The following PYGM variants were observed in gnomAD, a reference collection of about 807,000 sequenced individuals.
PYGM encodes the protein glycogen phosphorylase, muscle form.
Under a neutral mutation model 99.3 loss-of-function variants are expected in PYGM, and 81 were observed. That is an observed-to-expected ratio of 0.82 (90% CI 0.68 to 0.98). The LOEUF is 0.98. Among genes scored for constraint, PYGM ranks in the 50% least tolerant of loss-of-function variants. The pLI is 0.00. For missense variants in PYGM, 1,030 were observed against 1,158.1 expected (o/e 0.89, Z 1.61); for synonymous variants, 436 against 451.5 (o/e 0.97, Z 0.44).
intron 2 of PYGM, 29 bp downstream of exon 2, chr11:64,758,574 C>A: frequency 6.2e-7 from 1 of 1,612,952 alleles, no homozygotes; most frequent in Non-Finnish European, 8.5e-7. Context: ...ATCCCCCAGT[C>A]CCCACGGCTT....
chr11:64,760,099 A>G, upstream of PYGM: 3 of 823,274 alleles, frequency 3.6e-6, no homozygotes, highest in Non-Finnish European at 5.5e-6. Flanking sequence ...GGAGGAGAGG[A>G]GAGGGGAGGG....
At chr11:64,750,668 C>T in intron 16 of PYGM, 85 bp from the exon 17 acceptor site, 1 of 1,337,226 alleles carries the variant, frequency 7.5e-7, no homozygotes, top group South Asian at 1.2e-5. Flanking sequence ...TGGCCCCAGG[C>T]ATAGCTGGAC....
At position 64,750,596 on chromosome 11, in the gene PYGM, A is replaced by T; in HGVS notation, c.1970-13T>A. ...GCAGCTGGGATCACTGTGGGGTGGC[A>T]GCAGGGGGACAAGTCAACTCAGGGA... On this transcript the variant is annotated splice_polypyrimidine_tract_variant and intron_variant, in intron 16 of 19. Transcript: ENST00000164139. 1 of 1,613,574 alleles carries T rather than the reference A, an allele frequency of 6.2e-7. No individual in the cohort carries two copies. Among genetic ancestry groups the T allele is most frequent in the Non-Finnish European group, 8.5e-7 (1 of 1,179,786 alleles).
intron 10 of PYGM, 67 bp downstream of exon 10, chr11:64,753,812 C>T (rs1432228133): frequency 1.4e-5 from 22 of 1,547,360 alleles, no homozygotes; most frequent in African/African-American, 5.5e-5. Context: ...CTGGACGCCC[C>T]GACTCCCAGG....
intron 5 of PYGM, among the ~76,000 whole-genome samples, 200 bp downstream of exon 5, chr11:64,757,579 C>T (rs2058401564): frequency 6.6e-6 from 1 of 152,184 alleles, no homozygotes; most frequent in Non-Finnish European, 1.5e-5. Flanking sequence ...CCCTTCCAGA[C>T]TCTGCACTTA....
chr11:64,758,022 A>T (rs982824743), intron 4 of PYGM, 112 bp from the exon 5 acceptor site: 58 of 1,516,640 alleles, frequency 3.8e-5, no homozygotes, highest in Non-Finnish European at 4.8e-5. Context: ...ACCAAGTATA[A>T]GTCAGGAGCT....
At chr11:64,749,261 C>G (rs1010761507) in intron 17 of PYGM, among the ~76,000 whole-genome samples, 4 of 151,780 alleles carry the variant, frequency 2.6e-5, no homozygotes, top group Non-Finnish European at 5.9e-5. Context: ...GCAGGAGAAT[C>G]GCTTGTACCC....
At chr11:64,751,679 A>G (rs1412056073) in intron 14 of PYGM, 24 bp from the exon 15 acceptor site, 2 of 1,613,610 alleles carry the variant, frequency 1.2e-6, no homozygotes, top group Non-Finnish European at 1.7e-6. Flanking sequence ...AGAGGGATCC[A>G]GTGGGCCTAC....
At position 64,752,456 on chromosome 11, in the gene PYGM, G is replaced by C; in HGVS notation, c.1567C>G (p.Leu523Val). Residue 523 changes from leucine to valine, a missense_variant, in exon 13 of 20, where the codon CTC becomes GTC. Leu to Val is a conservative substitution (Grantham distance 32). Coordinates refer to ENST00000164139, the MANE Select transcript of PYGM (RefSeq NM_005609.4). ...AAAGCTTCATCATCCACAAAGGAGAGCAGTTTGCGCAGCTGGTCCAGGTCA... is the reference window on the plus strand; with the variant it reads ...AAAGCTTCATCATCCACAAAGGAGACCAGTTTGCGCAGCTGGTCCAGGTCA... ...ISDLDQLRKL[L>V]SFVDDEAFIR... 1 of 1,614,256 alleles carries C rather than the reference G, an allele frequency of 6.2e-7. No homozygotes were observed. Among genetic ancestry groups the C allele is most frequent in the South Asian group, 1.1e-5 (1 of 91,090 alleles).
chr11:64,747,045 G>T (rs1350408590), intron 18 of PYGM, 58 bp from the exon 19 acceptor site: 1 of 1,596,470 alleles, frequency 6.3e-7, no homozygotes, highest in East Asian at 2.2e-5. Flanking sequence ...TAAGTTCTAT[G>T]AGGTCAAGGG....
At chr11:64,750,330 C>A in intron 17 of PYGM, 46 bp downstream of exon 17, 1 of 1,607,630 alleles carries the variant, frequency 6.2e-7, no homozygotes, top group Admixed American at 1.7e-5. Context: ...CACTCTCCAG[C>A]AGCCACACCT....
In PYGM at chr11:64,754,103, C is replaced by T; in HGVS notation, c.1093-78G>A. 6.3e-7 allele frequency: 1 copy of T among 1,595,834 alleles called. No homozygotes were observed. The highest frequency in any genetic ancestry group is 1.1e-5 in the South Asian group (1 of 90,290). On this transcript the variant is annotated intron_variant, in intron 9 of 19. Coordinates refer to ENST00000164139, the MANE Select transcript of PYGM (RefSeq NM_005609.4). This position sits in a 1 kb window ranked among gnomAD's most constrained non-coding sequence, Gnocchi z 5.5. Reference sequence around the variant, plus strand: ...TCACACACTACGCATCCCAGTGGGCCCCCCCACTGCAGTGCCAGGTTCCAG... The same window carrying T: ...TCACACACTACGCATCCCAGTGGGCTCCCCCACTGCAGTGCCAGGTTCCAG...
rs1359883709 is a variant in PYGM at position 64,750,408 on chromosome 11, C to T, written c.2145G>A (p.Arg715=). ...GEENFFIFGM[R]VEDVDKLDQR... is the part of the protein sequence containing the mutation. ...GGTCAAGCTTATCCACATCCTCCAC[C>T]CGCATGCCAAAGATGAAGAAGTTTT... The change falls in exon 17 of 20, where the codon CGG becomes CGA. Residue 715 remains arginine, a synonymous_variant. Coordinates refer to ENST00000164139, the MANE Select transcript of PYGM (RefSeq NM_005609.4). 1 of 1,614,186 alleles carries T rather than the reference C, an allele frequency of 6.2e-7. No homozygotes were observed. Among genetic ancestry groups the T allele is most frequent in the South Asian group, 1.1e-5 (1 of 91,084 alleles).
chr11:64,759,985 A>C, upstream of PYGM: 1 of 1,569,018 alleles, frequency 6.4e-7, no homozygotes, highest in Non-Finnish European at 8.7e-7. Context: ...GGAGCTCCCC[A>C]GCCTCAAGGG....
rs565560069 is a variant in PYGM at position 64,755,922 on chromosome 11, C to T, written c.661-364G>A. Among the ~76,000 whole-genome samples, 3 of 152,316 alleles carry T rather than the reference C, an allele frequency of 2.0e-5. No individual in the cohort carries two copies. Among genetic ancestry groups the T allele is most frequent in the Admixed American group, 6.5e-5 (1 of 15,304 alleles). On this transcript the variant is annotated intron_variant, in intron 5 of 19. Coordinates refer to ENST00000164139, the MANE Select transcript of PYGM (RefSeq NM_005609.4). The surrounding 1 kb of genome is among the most constrained non-coding windows in gnomAD (Gnocchi z 4.1). ...AGCAAAAGCTAGAGGACACTGTGGA[C>T]TCATGAGAGGGCTGGGGGAACCCAG...
At position 64,759,920 on chromosome 11, in the gene PYGM, A is replaced by C. The variant is rs1427684736; in HGVS notation, c.-22T>G. On this transcript the variant is annotated 5_prime_UTR_variant, in exon 1 of 20. Coordinates refer to ENST00000164139, the MANE Select transcript of PYGM (RefSeq NM_005609.4). ...ACATGGCTGCAGGAGGGCGGGCCGG[A>C]CTGGACTGATGGTAGAGGGGACGGC... The C allele has an allele frequency of 1.2e-6, 2 of 1,613,322 alleles. No homozygotes were observed. Among genetic ancestry groups the C allele is most frequent in the African/African-American group, 2.7e-5 (2 of 75,032 alleles).
intron 1 of PYGM, among the ~76,000 whole-genome samples, chr11:64,758,980 G>A (rs1045738533): frequency 7.6e-3 from 7 of 916 alleles, no homozygotes; most frequent in East Asian, 0.1. Context: ...TGAGGTACTC[G>A]GGAGAATGGG....
In PYGM at chr11:64,755,582, AG is replaced by A. The variant is rs761841834; in HGVS notation, c.661-25del. 6.3e-7 allele frequency: 1 copy of A among 1,591,330 alleles called. No individual in the cohort carries two copies. On this transcript the variant is annotated intron_variant, in intron 5 of 19. Coordinates refer to ENST00000164139, the MANE Select transcript of PYGM (RefSeq NM_005609.4). The surrounding 1 kb of genome is among the most constrained non-coding windows in gnomAD (Gnocchi z 4.1). ...ACCTGCGGGGGGCAATCCTGTCAGG[AG>A]CTGGCCAGCCCTGGCAATTGCCTCC... is the stretch of plus-strand genomic sequence containing the variant.
intron 11 of PYGM, 141 bp from the exon 12 acceptor site, chr11:64,753,328 G>C (rs904246309): frequency 2.6e-6 from 3 of 1,171,316 alleles, no homozygotes; most frequent in Non-Finnish European, 3.8e-6. Context: ...GGTGCTGTGT[G>C]TAAGAGGAGG....
Sources: gnomAD v4.1 joint callset for allele counts (sites outside exome capture counted in the v4.1 genomes callset) on GRCh38, gnomAD v4.1.1 for gene constraint, Gnocchi (gnomAD v3.1) non-coding constraint, MANE v1.5 for transcripts, NCBI Gene and HGNC (gene_info 2026-07-23, HGNC 2026-07-21) for gene names.